The following SOBP variants were observed in gnomAD, a reference collection of about 807,000 sequenced individuals.
The protein encoded by SOBP is sine oculis binding protein homolog.
Under a neutral mutation model 53.6 loss-of-function variants are expected in SOBP, and 4 were observed. The ratio of observed to expected loss-of-function variants is 0.07; its 90% confidence interval spans 0.04 to 0.17. SOBP has a LOEUF of 0.17. Ranked by LOEUF, SOBP falls within the 10% of genes least tolerant of loss-of-function variation. The pLI, the probability that SOBP is intolerant of heterozygous loss-of-function variation, is 1.00. For synonymous variants in SOBP, 584 were observed against 522.6 expected (o/e 1.12, Z -1.60); for missense variants, 1,088 against 1,204.7 (o/e 0.90, Z 1.43).
chr6:107,585,043 C>G (rs1785523881), intron 4 of SOBP, among the ~76,000 whole-genome samples: 1 of 152,034 alleles, frequency 6.6e-6, no homozygotes, highest in South Asian at 2.1e-4. Context: ...AAGTGTGTTT[C>G]CAAGCATATA....
chr6:107,647,076 A>C (rs971979073), intron 6 of SOBP, among the ~76,000 whole-genome samples: 8 of 152,190 alleles, frequency 5.3e-5, no homozygotes. Flanking sequence ...CCTGGGTTTG[A>C]AAACTGGCTG....
At chr6:107,657,916 G>T (rs1209681326) in intron 6 of SOBP, among the ~76,000 whole-genome samples, 1 of 151,962 alleles carries the variant, frequency 6.6e-6, no homozygotes, top group African/African-American at 2.4e-5. Flanking sequence ...TGCAAAGGAT[G>T]CTGTGGTCTT....
chr6:107,578,317 G>C (rs1274653535), intron 4 of SOBP, among the ~76,000 whole-genome samples: 2 of 151,432 alleles, frequency 1.3e-5, no homozygotes, highest in Non-Finnish European at 1.5e-5. Flanking sequence ...TTCAATCTTG[G>C]AGTGCTAAAA....
At chr6:107,510,627 A>G (rs1163303247) in intron 3 of SOBP, 1 of 152,230 alleles carries the variant, frequency 6.6e-6, no homozygotes, top group African/African-American at 2.4e-5. Context: ...GCTAAAGTCA[A>G]CAAATTATCA....
At chr6:107,510,711 T>C (rs1002777463) in intron 3 of SOBP, 1 of 152,206 alleles carries the variant, frequency 6.6e-6, no homozygotes, top group Non-Finnish European at 1.5e-5. Flanking sequence ...TTCAAGGTAA[T>C]TGGGTTGAGA....
At chr6:107,614,530 T>G (rs1198877015) in intron 5 of SOBP, among the ~76,000 whole-genome samples, 1 of 152,134 alleles carries the variant, frequency 6.6e-6, no homozygotes, top group African/African-American at 2.4e-5. Context: ...GCCAGGCCCA[T>G]GGGTAGGGTT....
At chr6:107,531,908 C>T (rs1253673122) in intron 3 of SOBP, among the ~76,000 whole-genome samples, 1 of 151,990 alleles carries the variant, frequency 6.6e-6, no homozygotes, top group Non-Finnish European at 1.5e-5. Context: ...AGTGGTGATA[C>T]TCAGGGGGAA....
At chr6:107,537,556 C>T (rs551390945) in intron 4 of SOBP, among the ~76,000 whole-genome samples, 2 of 152,200 alleles carry the variant, frequency 1.3e-5, no homozygotes, top group Non-Finnish European at 2.9e-5. Flanking sequence ...CGCCATGGCT[C>T]ATGCCTGTAA....
intron 2 of SOBP, among the ~76,000 whole-genome samples, chr6:107,504,360 A>G (rs1342141961): frequency 6.6e-6 from 1 of 152,158 alleles, no homozygotes; most frequent in Non-Finnish European, 1.5e-5. Context: ...AGCCTATATT[A>G]CTCTTTAAGA....
chr6:107,529,960 ATAT>A (rs879525017), intron 3 of SOBP, among the ~76,000 whole-genome samples: 13 of 152,210 alleles, frequency 8.5e-5, no homozygotes, highest in Admixed American at 8.5e-4. Context: ...TATTTATATG[ATAT>A]TATCATATGA....
rs774702360 is a variant in SOBP at position 107,634,211 on chromosome 6, T to C, written c.1367T>C (p.Leu456Pro). 1.3e-6 allele frequency: 2 copies of C among 1,599,080 alleles called. No homozygotes were observed. Among genetic ancestry groups the C allele is most frequent in the Non-Finnish European group, 8.5e-7 (1 of 1,176,124 alleles). The change falls in exon 6 of 7, where the codon CTA becomes CCA. Residue 456 changes from leucine to proline, a missense_variant. Around this residue, in one of 6 missense-constraint regions of SOBP, gnomAD observed 665 missense variants for 629.7 expected, o/e 1.06. Transcript: ENST00000317357. The surrounding 1 kb of genome is among the most constrained non-coding windows in gnomAD (Gnocchi z 4.5). ...TCCAGCCCCATGCACCGGCCCATGCTATCGCCCCACATCCACCCCCCGAGC... is the reference window on the plus strand; with the variant it reads ...TCCAGCCCCATGCACCGGCCCATGCCATCGCCCCACATCCACCCCCCGAGC... ...PTSSPMHRPMLSPHIHPPSTP... is the reference protein window; with the variant it reads ...PTSSPMHRPMPSPHIHPPSTP...
intron 3 of SOBP, chr6:107,529,726 C>G (rs1783765310): frequency 2.1e-6 from 1 of 471,074 alleles, no homozygotes; most frequent in African/African-American, 2.1e-5. Context: ...ACAACTTCAG[C>G]AGGGCATTCC....
chr6:107,598,462 G>A lies in SOBP; in HGVS notation c.669+11287G>A, dbSNP rs142013888. On this transcript the variant is annotated intron_variant, in intron 5 of 6. Coordinates refer to ENST00000317357, the MANE Select transcript of SOBP (RefSeq NM_018013.4). ...TGTGGAATGATGATGAGAGGGGTGCGCATCATGCATATGGGGGCCAGTTGG... is the reference window on the plus strand; with the variant it reads ...TGTGGAATGATGATGAGAGGGGTGCACATCATGCATATGGGGGCCAGTTGG... Among the ~76,000 whole-genome samples, 22 of 152,290 alleles carry A rather than the reference G, an allele frequency of 1.4e-4. No homozygotes were observed. The East Asian group carries it at 1.7e-3, about 12-fold the overall frequency.
chr6:107,580,215 G>A (rs747446976), intron 4 of SOBP, among the ~76,000 whole-genome samples: 2 of 152,198 alleles, frequency 1.3e-5, no homozygotes, highest in African/African-American at 4.8e-5. Flanking sequence ...GATGCCAGGT[G>A]GGAGCCCTCT....
chr6:107,517,712 A>C (rs761188585), intron 3 of SOBP, among the ~76,000 whole-genome samples: 9 of 152,240 alleles, frequency 5.9e-5, no homozygotes, highest in Non-Finnish European at 1.3e-4. Flanking sequence ...CATTCATAAC[A>C]AATTGTAGAT....
intron 2 of SOBP, 71 bp downstream of exon 2, chr6:107,503,866 G>T: frequency 6.4e-7 from 1 of 1,559,384 alleles, no homozygotes; most frequent in Non-Finnish European, 8.8e-7. Flanking sequence ...GAATTGAGTT[G>T]CTTTGGGACT....
chr6:107,567,777 G>A (rs1196835758), intron 4 of SOBP, among the ~76,000 whole-genome samples: 2 of 152,188 alleles, frequency 1.3e-5, no homozygotes, highest in African/African-American at 4.8e-5. Context: ...AGGACATGGT[G>A]TAGAAAGCAG....
intron 5 of SOBP, among the ~76,000 whole-genome samples, chr6:107,604,647 G>A (rs376232763): frequency 6.6e-6 from 1 of 152,062 alleles, no homozygotes; most frequent in African/African-American, 2.4e-5. Context: ...AAGAAGGTGA[G>A]GTCAGGGGAC....
intron 4 of SOBP, among the ~76,000 whole-genome samples, chr6:107,553,909 A>G (rs1481162954): frequency 6.6e-6 from 1 of 152,146 alleles, no homozygotes; most frequent in Non-Finnish European, 1.5e-5. Context: ...TTAGAGTTCT[A>G]TATAATGTAA....
Sources: allele counts gnomAD v4.1 joint callset (sites outside exome capture counted in the v4.1 genomes callset), GRCh38; gene constraint gnomAD v4.1.1; regional missense constraint gnomAD v4.1.1; non-coding constraint Gnocchi (gnomAD v3.1); transcripts MANE v1.5; gene names NCBI Gene and HGNC (gene_info 2026-07-23, HGNC 2026-07-21).